Variants in SLC8A3 observed in about 807,000 individuals in gnomAD.
SLC8A3 encodes solute carrier family 8 member A3.
SLC8A3 carries 37 observed loss-of-function variants against 65.4 expected under a neutral mutation model. The ratio of observed to expected loss-of-function variants is 0.57; its 90% CI spans 0.44 to 0.74. SLC8A3 has a LOEUF of 0.74. Among genes scored for constraint, SLC8A3 ranks in the 30% least tolerant of loss-of-function variants. The probability of loss-of-function intolerance (pLI) is 0.00; values close to 1 mark genes in which losing one functional copy is unlikely to be tolerated. For missense variants in SLC8A3, 1,112 were observed against 1,172.1 expected, an observed-to-expected ratio of 0.95 and a Z score of 0.75; for synonymous variants, 461 against 444.5, an observed-to-expected ratio of 1.04 and a Z score of -0.47.
At chr14:70,132,665 T>C (rs17175597) in intron 2 of SLC8A3, among the ~76,000 whole-genome samples, 17,677 of 152,218 alleles carry the variant, frequency 0.12, 1,226 homozygotes, top group Non-Finnish European at 0.16. Context: ...GTCATGATCC[T>C]GGCAATCTGG....
At chr14:70,189,273 G>T (rs1281035240), upstream of SLC8A3, among the ~76,000 whole-genome samples, 1 of 151,614 alleles carries the variant, frequency 6.6e-6, no homozygotes. Context: ...CGCGCCTCCC[G>T]GCCGGCAGCA....
At chr14:70,172,888 T>A (rs907113106) in intron 1 of SLC8A3, among the ~76,000 whole-genome samples, 1 of 151,728 alleles carries the variant, frequency 6.6e-6, no homozygotes, top group South Asian at 2.1e-4. Context: ...CAAGCATGAG[T>A]GAGCTTTAGT....
chr14:70,175,739 T>A (rs1594811656), intron 1 of SLC8A3, among the ~76,000 whole-genome samples: 1 of 86,220 alleles, frequency 1.2e-5, no homozygotes, highest in Admixed American at 1.0e-4. Flanking sequence ...TTTTTTTTCT[T>A]TTTTTTTTTT....
chr14:70,068,175 G>T, intron 2 of SLC8A3, among the ~76,000 whole-genome samples: 1 of 152,122 alleles, frequency 6.6e-6, no homozygotes, highest in East Asian at 1.9e-4. Flanking sequence ...TGATCCTCAG[G>T]GTGCTGCAAA....
At chr14:70,148,661 T>G (rs553960804) in intron 2 of SLC8A3, among the ~76,000 whole-genome samples, 15 of 152,210 alleles carry the variant, frequency 9.9e-5, no homozygotes, top group Non-Finnish European at 1.9e-4. Flanking sequence ...GGGTCCCTCA[T>G]GTTGAATGAA....
intron 2 of SLC8A3, among the ~76,000 whole-genome samples, chr14:70,072,351 ATCAC>A (rs1890082988): frequency 6.6e-6 from 1 of 152,182 alleles, no homozygotes; most frequent in Admixed American, 6.5e-5. Context: ...CCTCAAAAGG[ATCAC>A]TCACTCTGTT....
At chr14:70,053,122 C>T (rs1375242512) in intron 3 of SLC8A3, among the ~76,000 whole-genome samples, 1 of 152,152 alleles carries the variant, frequency 6.6e-6, no homozygotes, top group Non-Finnish European at 1.5e-5. Context: ...TTCCTGAGTT[C>T]GCTGTTTTGC....
At chr14:70,168,560 C>G in intron 1 of SLC8A3, 76 bp from the exon 2 acceptor site, 1 of 637,434 alleles carries the variant, frequency 1.6e-6, no homozygotes, top group Non-Finnish European at 2.7e-6. Flanking sequence ...ACCAATACAA[C>G]TGATGCTTCA....
chr14:70,154,554 T>A (rs934080009), intron 2 of SLC8A3, among the ~76,000 whole-genome samples: 6 of 152,218 alleles, frequency 3.9e-5, no homozygotes, highest in African/African-American at 1.4e-4. Context: ...CTTGCCATGC[T>A]GGGTGCAAAA....
At chr14:70,117,206 C>T (rs916936651) in intron 2 of SLC8A3, among the ~76,000 whole-genome samples, 6 of 152,220 alleles carry the variant, frequency 3.9e-5, no homozygotes, top group Admixed American at 6.5e-5. Context: ...CTTAGGATGC[C>T]CTGTGTCCAA....
chr14:70,136,358 A>G (rs1484788042), intron 2 of SLC8A3, among the ~76,000 whole-genome samples: 2 of 152,210 alleles, frequency 1.3e-5, no homozygotes, highest in African/African-American at 4.8e-5. Flanking sequence ...GCCACCCAGT[A>G]TGTGGAGCTT....
intron 2 of SLC8A3, among the ~76,000 whole-genome samples, chr14:70,081,675 G>C (rs1891061667): frequency 6.6e-6 from 1 of 152,178 alleles, no homozygotes; most frequent in African/African-American, 2.4e-5. Flanking sequence ...GTGGAGGGCA[G>C]GGAAGAAGGG....
intron 2 of SLC8A3, among the ~76,000 whole-genome samples, chr14:70,129,579 G>A (rs1894688452): frequency 1.3e-5 from 2 of 152,066 alleles, no homozygotes; most frequent in South Asian, 2.1e-4. Context: ...TGCATTTATT[G>A]GGCATTTTAC....
rs1886861106 is a variant in SLC8A3 at position 70,046,979 on chromosome 14, CTTT to C, written c.2390-659_2390-657del. On this transcript the variant is annotated intron_variant, in intron 6 of 6. Coordinates refer to ENST00000356921, the MANE Select transcript of SLC8A3 (RefSeq NM_182932.3). The surrounding 1 kb of genome is among the most constrained non-coding windows in gnomAD (Gnocchi z 4.2). ...ACTGTCAGAGACATCTAGCCCAATT[CTTT>C]TATTTTACAGGTAAGAAAAATAAGG... 6.6e-6 allele frequency: 1 copy of C among 152,164 alleles called. No homozygotes were observed. Among genetic ancestry groups the C allele is most frequent in the Admixed American group, 6.5e-5 (1 of 15,272 alleles). The allele number at this position is 152,164 out of a possible 1,614,324, so 9.4% of individuals were successfully genotyped here. A position where few individuals can be genotyped will look rare whatever the true frequency, so the allele number is the denominator to read the frequency against.
rs1024777458 is a variant in SLC8A3, at chr14:70,188,467, C to G, written c.-151G>C. On this transcript the variant is annotated 5_prime_UTR_variant, in exon 1 of 7. Transcript: ENST00000356921. The stretch of plus-strand genomic sequence containing the variant: ...CCCCGCCGCCCGGCGCCTCACCGGT[C>G]GCAGCGGCTCATCGCCCCCGCGGGC... The G allele has an allele frequency of 2.0e-5, 3 of 151,906 alleles. No homozygotes were observed. The highest frequency in any genetic ancestry group is 6.6e-5 in the Admixed American group (1 of 15,248). 9.4% of individuals were successfully genotyped at this position (151,906 alleles called of 1,614,324 possible). A position where few individuals can be genotyped will look rare whatever the true frequency, so the allele number is the denominator to read the frequency against.
intron 2 of SLC8A3, among the ~76,000 whole-genome samples, chr14:70,157,796 T>C (rs1233280817): frequency 2.6e-5 from 4 of 152,184 alleles, no homozygotes; most frequent in Admixed American, 6.5e-5. Flanking sequence ...AAACACTTCA[T>C]AGTGAAGGCA....
chr14:70,173,456 G>A (rs1897673743), intron 1 of SLC8A3, among the ~76,000 whole-genome samples: 1 of 152,000 alleles, frequency 6.6e-6, no homozygotes. Flanking sequence ...CTTAGCAGTG[G>A]CTCCTGACAT....
At chr14:70,145,236 C>T (rs1227084753) in intron 2 of SLC8A3, among the ~76,000 whole-genome samples, 1 of 152,202 alleles carries the variant, frequency 6.6e-6, no homozygotes, top group Non-Finnish European at 1.5e-5. Context: ...TTATTTGACT[C>T]CAAAATTGAA....
intron 2 of SLC8A3, among the ~76,000 whole-genome samples, chr14:70,094,057 C>A (rs1229085008): frequency 1.3e-5 from 2 of 152,232 alleles, no homozygotes; most frequent in African/African-American, 4.8e-5. Flanking sequence ...CCAGGGGAGC[C>A]CCATCTAGTT....
Sources: allele counts gnomAD v4.1 joint callset (sites outside exome capture counted in the v4.1 genomes callset), GRCh38; gene constraint gnomAD v4.1.1; non-coding constraint Gnocchi (gnomAD v3.1); transcripts MANE v1.5; gene names NCBI Gene and HGNC (gene_info 2026-07-23, HGNC 2026-07-21).